TANC2: variants seen among roughly 807,000 people sequenced by gnomAD.
The protein encoded by TANC2 is tetratricopeptide repeat, ankyrin repeat and coiled-coil containing 2, also known as protein TANC2.
Under a neutral mutation model 210.5 loss-of-function variants are expected in TANC2, and 26 were observed. The observed-to-expected ratio is 0.12, with a 90% CI of 0.09 to 0.17. The LOEUF is 0.17. TANC2 is among the 10% of genes least tolerant of loss of function. The pLI, the probability that TANC2 is intolerant of heterozygous loss-of-function variation, is 1.00. For missense variants in TANC2, 2,129 were observed against 2,608.9 expected (o/e 0.82, Z 4.01); for synonymous variants, 931 against 967.1 (o/e 0.96, Z 0.69).
intron 17 of TANC2, 113 bp from the exon 18 acceptor site, chr17:63,395,630 G>C (rs1347315127): frequency 1.1e-6 from 1 of 930,808 alleles, no homozygotes; most frequent in Admixed American, 2.4e-5. Flanking sequence ...TTGGTTCCAG[G>C]AGTGGAAAGG....
chr17:63,055,990 AATATATATAT>A (rs57112801), intron 2 of TANC2, among the ~76,000 whole-genome samples: 33 of 10,090 alleles, frequency 3.3e-3, no homozygotes, highest in Middle Eastern at 0.1. Flanking sequence ...AAAAAAAAAA[AATATATATAT>A]ATATATATAT....
intron 12 of TANC2, among the ~76,000 whole-genome samples, chr17:63,345,582 G>A (rs1274486048): frequency 7.2e-6 from 1 of 138,720 alleles, no homozygotes; most frequent in Non-Finnish European, 1.5e-5. Flanking sequence ...TCATGCCATT[G>A]CACTCCAGCC....
intron 5 of TANC2, among the ~76,000 whole-genome samples, chr17:63,175,538 A>ACCC: frequency 6.8e-6 from 1 of 147,368 alleles, no homozygotes; most frequent in African/African-American, 2.5e-5. Context: ...CCCGCCAAAA[A>ACCC]AAAAAAAAAA....
chr17:63,358,395 G>GTGTGTT (rs1391492915), intron 14 of TANC2, among the ~76,000 whole-genome samples: 1 of 151,608 alleles, frequency 6.6e-6, no homozygotes, highest in African/African-American at 2.4e-5. Flanking sequence ...GTGTGTGTGT[G>GTGTGTT]TGTGTGTGTG....
intron 2 of TANC2, among the ~76,000 whole-genome samples, chr17:63,052,268 G>A (rs1568346225): frequency 2.6e-5 from 4 of 152,160 alleles, no homozygotes; most frequent in African/African-American, 7.2e-5. Context: ...CAATTTCACA[G>A]ATAAGGAAAC....
chr17:63,025,805 A>ATTAAATTAAAT (rs1491348689), intron 2 of TANC2, among the ~76,000 whole-genome samples: 92 of 119,714 alleles, frequency 7.7e-4, no homozygotes, highest in African/African-American at 2.9e-3. Context: ...CAAAAATAAA[A>ATTAAATTAAAT]TAAAATAAAA....
exon 7 of TANC2, chr17:63,200,917 T>C (rs780649791): frequency 1.2e-6 from 2 of 1,613,598 alleles, no homozygotes; most frequent in Non-Finnish European, 1.7e-6. Context: ...CTGTTACTAG[T>C]CCAACCTCTA....
exon 21 of TANC2, chr17:63,406,213 C>T (rs1432922337): frequency 6.2e-7 from 1 of 1,613,952 alleles, no homozygotes; most frequent in African/African-American, 1.3e-5. Context: ...AGCAGGGCCG[C>T]ACTCCCCTGA....
chr17:63,056,000 T>A (rs1356559847), intron 2 of TANC2, among the ~76,000 whole-genome samples: 9 of 37,112 alleles, frequency 2.4e-4, no homozygotes, highest in African/African-American at 7.6e-4. Flanking sequence ...AATATATATA[T>A]ATATATATAT....
At chr17:63,048,614 T>C (rs1430029350) in intron 2 of TANC2, among the ~76,000 whole-genome samples, 1 of 152,188 alleles carries the variant, frequency 6.6e-6, no homozygotes, top group Non-Finnish European at 1.5e-5. Context: ...GATGGTTGTA[T>C]GTGTGCGGCC....
intron 14 of TANC2, among the ~76,000 whole-genome samples, chr17:63,372,958 G>A (rs1319251210): frequency 7.3e-6 from 1 of 137,500 alleles, no homozygotes; most frequent in Admixed American, 8.1e-5. Flanking sequence ...GCAGTAGCAC[G>A]ATCACAATTT....
intron 1 of TANC2, among the ~76,000 whole-genome samples, chr17:63,007,031 GCCT>G (rs2033654779): frequency 6.6e-6 from 1 of 151,400 alleles, no homozygotes; most frequent in African/African-American, 2.4e-5. Flanking sequence ...TTGGAGACTG[GCCT>G]GGGAAACATA....
intron 5 of TANC2, among the ~76,000 whole-genome samples, chr17:63,157,485 A>G (rs1237524260): frequency 6.6e-6 from 1 of 152,192 alleles, no homozygotes; most frequent in African/African-American, 2.4e-5. Context: ...TTGAAGAAGT[A>G]AAATGTTCTG....
chr17:63,006,127 C>G (rs951636239), intron 1 of TANC2, among the ~76,000 whole-genome samples: 1 of 151,858 alleles, frequency 6.6e-6, no homozygotes, highest in East Asian at 1.9e-4. Context: ...GAAATGATGT[C>G]CTCTATTTCA....
chr17:63,349,697 G>A (rs1026014795), intron 12 of TANC2, among the ~76,000 whole-genome samples: 1 of 152,156 alleles, frequency 6.6e-6, no homozygotes, highest in Non-Finnish European at 1.5e-5. Flanking sequence ...CTAGCTGATG[G>A]TGCTTAGCCA....
intron 2 of TANC2, among the ~76,000 whole-genome samples, chr17:63,041,427 C>A (rs938017498): frequency 6.6e-5 from 10 of 152,074 alleles, no homozygotes; most frequent in African/African-American, 2.2e-4. Flanking sequence ...GCCTCGAAAT[C>A]CATTCTAACT....
intron 1 of TANC2, among the ~76,000 whole-genome samples, chr17:63,008,966 G>T (rs2033746278): frequency 6.6e-6 from 1 of 152,118 alleles, no homozygotes; most frequent in African/African-American, 2.4e-5. Context: ...CTATTGCTCT[G>T]CATCCTCAGT....
chr17:63,236,371 T>C lies in TANC2; in HGVS notation c.770-1443T>C, dbSNP rs116455991. Among the ~76,000 whole-genome samples the C allele has an allele frequency of 8.4e-3, 1,281 of 152,222 alleles. 15 individuals are homozygous for C. The highest frequency in any genetic ancestry group is 0.028 in the African/African-American group (1,173 of 41,568). On this transcript the variant is annotated intron_variant, in intron 7 of 27. Transcript: ENST00000689528. ...GTATTTTGGTTTCAGTTATGTAAAC[T>C]TCATGAAAGAAGTGAAATGATCATC...
chr17:63,114,787 A>C (rs1461215338), intron 4 of TANC2, among the ~76,000 whole-genome samples: 1 of 152,260 alleles, frequency 6.6e-6, no homozygotes, highest in Non-Finnish European at 1.5e-5. Context: ...AGCATGACTT[A>C]CCTAAATTAA....
Sources: gnomAD v4.1 joint callset for allele counts (sites outside exome capture counted in the v4.1 genomes callset) on GRCh38, gnomAD v4.1.1 for gene constraint, MANE v1.5 for transcripts, NCBI Gene and HGNC (gene_info 2026-07-23, HGNC 2026-07-21) for gene names.